The following DYSF variants were observed in gnomAD, a reference collection of about 807,000 sequenced individuals.
DYSF encodes dysferlin.
DYSF carries 212 observed loss-of-function variants against 274.9 expected under a neutral mutation model. That is an observed-to-expected ratio of 0.77 (90% confidence interval 0.69 to 0.86). The LOEUF (loss-of-function observed/expected upper bound fraction) is 0.86. DYSF is among the 40% of genes least tolerant of loss of function. The pLI is 0.00. For missense variants in DYSF, 2,666 were observed against 2,783.2 expected (o/e 0.96, Z 0.95); for synonymous variants, 1,091 against 1,078.7 (o/e 1.01, Z -0.22).
At chr2:71,596,211 C>T (rs2093404848) in intron 32 of DYSF, among the ~76,000 whole-genome samples, 1 of 152,050 alleles carries the variant, frequency 6.6e-6, no homozygotes, top group East Asian at 1.9e-4. Flanking sequence ...GTTCTCCCCC[C>T]AGCGCTGAGC....
chr2:71,521,842 T>C (rs1007907799), intron 12 of DYSF, among the ~76,000 whole-genome samples: 7 of 152,120 alleles, frequency 4.6e-5, no homozygotes, highest in African/African-American at 1.7e-4. Flanking sequence ...CTCATCTCCT[T>C]ACTCCTTATC....
At chr2:71,602,470 T>C (rs1169408986) in intron 35 of DYSF, among the ~76,000 whole-genome samples, 1 of 152,184 alleles carries the variant, frequency 6.6e-6, no homozygotes, top group Non-Finnish European at 1.5e-5. Context: ...GCTGCTCTTC[T>C]CTTTCCTTTT....
chr2:71,603,724 C>T (rs2093596369), intron 36 of DYSF, among the ~76,000 whole-genome samples: 1 of 152,132 alleles, frequency 6.6e-6, no homozygotes, highest in Admixed American at 6.5e-5. Context: ...CAAAAGACTG[C>T]CGATTTGGAA....
At chr2:71,515,802 G>A in intron 8 of DYSF, 51 bp downstream of exon 8, 1 of 1,612,038 alleles carries the variant, frequency 6.2e-7, no homozygotes, top group South Asian at 1.1e-5. Flanking sequence ...CTTCCAATCT[G>A]GAAGCCCAGT....
intron 22 of DYSF, among the ~76,000 whole-genome samples, chr2:71,560,870 G>A (rs1446246212): frequency 6.6e-6 from 1 of 152,096 alleles, no homozygotes; most frequent in Non-Finnish European, 1.5e-5. Flanking sequence ...TGAGGTGGGG[G>A]CAGGGCAGCC....
intron 17 of DYSF, among the ~76,000 whole-genome samples, chr2:71,546,863 G>A (rs1384082107): frequency 2.6e-5 from 4 of 152,256 alleles, no homozygotes; most frequent in South Asian, 2.1e-4. Flanking sequence ...GGGAGCTGGC[G>A]GGGCAGACCG....
At chr2:71,625,398 C>T (rs1165391974) in intron 41 of DYSF, among the ~76,000 whole-genome samples, 1 of 152,130 alleles carries the variant, frequency 6.6e-6, no homozygotes, top group Non-Finnish European at 1.5e-5. Flanking sequence ...ATGTAACTAA[C>T]CAATGAATTA....
intron 30 of DYSF, among the ~76,000 whole-genome samples, chr2:71,584,608 C>T (rs1352900408): frequency 3.3e-5 from 5 of 152,168 alleles, no homozygotes; most frequent in African/African-American, 7.2e-5. Flanking sequence ...TGGCTTAGGG[C>T]GAGGGAATTC....
chr2:71,611,656 C>G, intron 38 of DYSF, 30 bp downstream of exon 38: 1 of 1,609,340 alleles, frequency 6.2e-7, no homozygotes, highest in Non-Finnish European at 8.5e-7. Context: ...TGTCCCCTTC[C>G]AGAGTCCTGG....
intron 3 of DYSF, among the ~76,000 whole-genome samples, chr2:71,493,210 A>G (rs908606517): frequency 6.6e-5 from 10 of 151,986 alleles, no homozygotes; most frequent in Non-Finnish European, 1.0e-4. Flanking sequence ...TTTATCTAAT[A>G]TATTGTTTGT....
At chr2:71,502,191 C>T (rs574861336) in intron 3 of DYSF, among the ~76,000 whole-genome samples, 9 of 151,808 alleles carry the variant, frequency 5.9e-5, no homozygotes, top group South Asian at 2.1e-4. Context: ...AAAATCACCT[C>T]GTTAGGTCGA....
intron 29 of DYSF, 67 bp from the exon 30 acceptor site, chr2:71,574,131 G>A (rs1032625239): frequency 9.9e-5 from 156 of 1,580,610 alleles, no homozygotes; most frequent in Admixed American, 4.5e-4. Flanking sequence ...AGGCAAAGGT[G>A]GAGCCGAGCA....
At chr2:71,666,224 G>A (rs990774794) in intron 47 of DYSF, among the ~76,000 whole-genome samples, 2 of 152,156 alleles carry the variant, frequency 1.3e-5, no homozygotes, top group African/African-American at 4.8e-5. Context: ...CAGGGCCATG[G>A]CTCATGGTCA....
At chr2:71,609,062 A>G (rs1257927738) in intron 36 of DYSF, among the ~76,000 whole-genome samples, 2 of 152,096 alleles carry the variant, frequency 1.3e-5, no homozygotes, top group African/African-American at 4.8e-5. Flanking sequence ...TTTAAAGAGG[A>G]CACCCTGCTG....
At chr2:71,526,405 T>TGGGGGGGGGGGGGGGGTGGGG in intron 13 of DYSF, 59 bp downstream of exon 13, 1 of 370,362 alleles carries the variant, frequency 2.7e-6, no homozygotes, top group Non-Finnish European at 3.9e-6. Context: ...GCAGGGCTGG[T>TGGGGGGGGGGGGGGGGTGGGG]GGGGGTGGGC....
chr2:71,674,929 A>G (rs2095194905), intron 52 of DYSF, among the ~76,000 whole-genome samples: 2 of 152,114 alleles, frequency 1.3e-5, no homozygotes, highest in Admixed American at 1.3e-4. Flanking sequence ...ATAAAGGTTA[A>G]CTCTGGAAAA....
intron 53 of DYSF, among the ~76,000 whole-genome samples, chr2:71,680,410 G>A (rs780809877): frequency 2.6e-5 from 4 of 152,124 alleles, no homozygotes; most frequent in Non-Finnish European, 1.5e-5. Flanking sequence ...ATAACATATA[G>A]TAACAGATTT....
At chr2:71,495,337 CAG>C (rs2084275021) in intron 3 of DYSF, among the ~76,000 whole-genome samples, 1 of 152,212 alleles carries the variant, frequency 6.6e-6, no homozygotes, top group African/African-American at 2.4e-5. Context: ...CGCAGCTGGT[CAG>C]ATTGCAGGGC....
chr2:71,577,673 C>T (rs939894154), intron 30 of DYSF, among the ~76,000 whole-genome samples: 1 of 100,726 alleles, frequency 9.9e-6, no homozygotes, highest in African/African-American at 3.1e-5. Context: ...CACGCACCCA[C>T]ACACACTCTT....
Sources: gnomAD v4.1 joint callset for allele counts (sites outside exome capture counted in the v4.1 genomes callset) on GRCh38, gnomAD v4.1.1 for gene constraint, MANE v1.5 for transcripts, NCBI Gene and HGNC (gene_info 2026-07-23, HGNC 2026-07-21) for gene names.